The following CACNA1C variants were observed in gnomAD, a reference collection of about 807,000 sequenced individuals.
CACNA1C encodes calcium voltage-gated channel subunit alpha1 C.
A neutral mutation model predicts 229.0 loss-of-function variants in CACNA1C; 30 were observed. That is an observed-to-expected ratio of 0.13 (90% confidence interval 0.10 to 0.18). The LOEUF is 0.18. CACNA1C is among the 10% of genes least tolerant of loss of function. The pLI is 1.00. For missense variants in CACNA1C, 1,658 were observed against 2,845.0 expected (o/e 0.58, Z 9.49); for synonymous variants, 1,114 against 1,132.5 (o/e 0.98, Z 0.33).
intron 30 of CACNA1C, 97 bp from the exon 31 acceptor site, chr12:2,648,378 T>G: frequency 8.8e-7 from 1 of 1,138,274 alleles, no homozygotes; most frequent in Non-Finnish European, 1.3e-6. Flanking sequence ...TGCCCTCTTC[T>G]GCCACTGTGT....
intron 3 of CACNA1C, among the ~76,000 whole-genome samples, chr12:2,204,958 A>G (rs888704307): frequency 9.3e-5 from 14 of 151,096 alleles, no homozygotes; most frequent in African/African-American, 2.7e-4. Context: ...AAATTAATTA[A>G]AAAAAACAAA....
chr12:2,198,348 G>A (rs1252047157), intron 3 of CACNA1C, among the ~76,000 whole-genome samples: 2 of 152,120 alleles, frequency 1.3e-5, no homozygotes, highest in African/African-American at 2.4e-5. Flanking sequence ...TGCTGTTGGC[G>A]GCCAGGAGAA....
intron 1 of CACNA1C, among the ~76,000 whole-genome samples, chr12:2,079,422 C>G (rs2064580292): frequency 6.6e-6 from 1 of 152,176 alleles, no homozygotes. Context: ...ATGGTGCTAG[C>G]AGATTTGATA....
In CACNA1C at chr12:2,287,700, G is replaced by A. The variant is rs1422573656; in HGVS notation, c.478-161276G>A. Among the ~76,000 whole-genome samples, 2 of 152,218 alleles carry A rather than the reference G, an allele frequency of 1.3e-5. No individual in the cohort carries two copies. Among genetic ancestry groups the A allele is most frequent in the East Asian group, 3.9e-4 (2 of 5,192 alleles). On this transcript the variant is annotated intron_variant, in intron 3 of 46. Transcript: ENST00000399655. The surrounding 1 kb of genome is among the most constrained non-coding windows in gnomAD (Gnocchi z 4.6). ...CCACGCCCTTCATTTTCAAACTTGAGTGGGCACCAGAATCACCTGGAGGAT... is the reference window on the plus strand; with the variant it reads ...CCACGCCCTTCATTTTCAAACTTGAATGGGCACCAGAATCACCTGGAGGAT...
Position 2,419,588 on chromosome 12 carries a change from G to A in CACNA1C, c.478-29388G>A, listed in dbSNP as rs112166385. 3.2e-3 allele frequency among the ~76,000 whole-genome samples: 491 copies of A among 152,260 alleles called. 4 individuals are homozygous for A. Among genetic ancestry groups the A allele is most frequent in the African/African-American group, 0.011 (448 of 41,546 alleles). ...TCATGTGTCACATCAAATTAGACTC[G>A]TTAGGGCATAAGCAGGGGCCCCGCA... is the stretch of plus-strand genomic sequence containing the variant. On this transcript the variant is annotated intron_variant, in intron 3 of 46. Transcript: ENST00000399655.
chr12:2,593,830 C>A (rs1292835112), intron 19 of CACNA1C, among the ~76,000 whole-genome samples: 1 of 152,162 alleles, frequency 6.6e-6, no homozygotes, highest in Non-Finnish European at 1.5e-5. Flanking sequence ...ATTTGTTCAC[C>A]ATTTTTTTAC....
At chr12:2,321,297 G>A (rs2095984461) in intron 3 of CACNA1C, among the ~76,000 whole-genome samples, 1 of 152,042 alleles carries the variant, frequency 6.6e-6, no homozygotes, top group Non-Finnish European at 1.5e-5. Context: ...GATTTGTTCT[G>A]TTTTCTGTCC....
At chr12:2,682,480 C>T in intron 42 of CACNA1C, 70 bp from the exon 43 acceptor site, 2 of 1,568,940 alleles carry the variant, frequency 1.3e-6, no homozygotes, top group Non-Finnish European at 1.7e-6. Context: ...GTGTGTGATG[C>T]TTTACTTGCT....
rs1263789678 is a variant in CACNA1C at position 2,488,502 on chromosome 12, T to C, written c.916+2240T>C. ...TAAGACTTGGCCTCCCCAATTGGAA[T>C]GGCCAATTTAGGATCACATTGTCCA... On this transcript the variant is annotated intron_variant, in intron 6 of 46. Coordinates refer to ENST00000399655, the MANE Select transcript of CACNA1C (RefSeq NM_000719.7). The surrounding 1 kb of genome is among the most constrained non-coding windows in gnomAD (Gnocchi z 4.0). Among the ~76,000 whole-genome samples, 2 of 152,226 alleles carry C rather than the reference T, an allele frequency of 1.3e-5. No individual in the cohort carries two copies. The highest frequency in any genetic ancestry group is 4.8e-5 in the African/African-American group (2 of 41,462).
chr12:2,557,891 G>T (rs777898216), intron 11 of CACNA1C, among the ~76,000 whole-genome samples: 2 of 152,196 alleles, frequency 1.3e-5, no homozygotes, highest in African/African-American at 4.8e-5. Context: ...AGTGGTGAAC[G>T]TCCATACATG....
intron 1 of CACNA1C, among the ~76,000 whole-genome samples, chr12:2,100,751 G>T (rs996385733): frequency 6.6e-6 from 1 of 150,774 alleles, no homozygotes; most frequent in African/African-American, 2.4e-5. Context: ...GAACGAGACT[G>T]TCTCAAAAAA....
intron 5 of CACNA1C, among the ~76,000 whole-genome samples, chr12:2,475,784 G>A (rs1048268065): frequency 2.0e-4 from 31 of 152,266 alleles, no homozygotes; most frequent in Admixed American, 5.9e-4. Context: ...TGACAGAATC[G>A]TTATTTTTAA....
chr12:2,521,405 C>T (rs762694433), intron 9 of CACNA1C, among the ~76,000 whole-genome samples: 14 of 152,138 alleles, frequency 9.2e-5, no homozygotes, highest in Non-Finnish European at 1.6e-4. Context: ...TAGCCAGCCA[C>T]CCTGCAGGGG....
intron 8 of CACNA1C, among the ~76,000 whole-genome samples, chr12:2,508,947 C>T (rs550167931): frequency 3.9e-5 from 6 of 152,294 alleles, no homozygotes; most frequent in East Asian, 3.9e-4. Context: ...ATAAAGACAA[C>T]GGTGATGATG....
At chr12:2,511,020 A>G (rs895678190) in intron 8 of CACNA1C, among the ~76,000 whole-genome samples, 2 of 152,196 alleles carry the variant, frequency 1.3e-5, no homozygotes, top group African/African-American at 4.8e-5. Flanking sequence ...TGAGCTGTCA[A>G]TCTGTCCCTT....
At chr12:2,425,579 G>T (rs1380247953) in intron 3 of CACNA1C, among the ~76,000 whole-genome samples, 4 of 152,168 alleles carry the variant, frequency 2.6e-5, no homozygotes, top group Admixed American at 2.6e-4. Flanking sequence ...TGAACCAAAG[G>T]ATTAAACCAT....
chr12:2,250,375 T>C (rs2075162469), intron 3 of CACNA1C, among the ~76,000 whole-genome samples: 1 of 152,282 alleles, frequency 6.6e-6, no homozygotes, highest in South Asian at 2.1e-4. Context: ...CACCGAATCC[T>C]GAAGGGCACA....
At chr12:2,148,070 T>G (rs2094888508) in intron 3 of CACNA1C, among the ~76,000 whole-genome samples, 1 of 151,222 alleles carries the variant, frequency 6.6e-6, no homozygotes, top group Admixed American at 6.6e-5. Flanking sequence ...TTTCAAAAAT[T>G]TTTGAAAGGA....
Position 2,678,004 on chromosome 12 carries a change from G to T in CACNA1C, c.5091+137G>T, listed in dbSNP as rs1211087204. 10 of 1,011,308 alleles carry T rather than the reference G, an allele frequency of 9.9e-6. No individual in the cohort carries two copies. In the Admixed American group the frequency reaches 1.9e-4, roughly 19 times the overall value. The allele number at this position is 1,011,308 out of a possible 1,614,324, so 62.6% of individuals were successfully genotyped here. A position where few individuals can be genotyped will look rare whatever the true frequency, so the allele number is the denominator to read the frequency against. The stretch of plus-strand genomic sequence containing the variant: ...GGGCTACTTCCAGGCTCTTCCTGAT[G>T]AGCTGTCTCCTCACCCCTTTGCCTT... On this transcript the variant is annotated intron_variant, in intron 41 of 46. Transcript: ENST00000399655. The surrounding 1 kb of genome is among the most constrained non-coding windows in gnomAD (Gnocchi z 4.1).
Sources: allele counts gnomAD v4.1 joint callset (sites outside exome capture counted in the v4.1 genomes callset), GRCh38; gene constraint gnomAD v4.1.1; non-coding constraint Gnocchi (gnomAD v3.1); transcripts MANE v1.5; gene names NCBI Gene and HGNC (gene_info 2026-07-23, HGNC 2026-07-21).